Variants in TRIP11 observed in about 807,000 individuals in gnomAD.
TRIP11 encodes the protein thyroid receptor-interacting protein 11.
A neutral mutation model predicts 223.1 loss-of-function variants in TRIP11; 148 were observed. That is an observed-to-expected ratio of 0.66 (90% confidence interval 0.58 to 0.76). TRIP11 has a LOEUF of 0.76. Ranked by LOEUF, TRIP11 falls within the 30% of genes least tolerant of loss-of-function variation. TRIP11 has a pLI of 0.00. For synonymous variants in TRIP11, 762 were observed against 772.6 expected (o/e 0.99, Z 0.23); for missense variants, 2,043 against 2,222.0 (o/e 0.92, Z 1.62).
chr14:92,008,054 C>T (rs1408375342), intron 9 of TRIP11, among the ~76,000 whole-genome samples: 1 of 152,152 alleles, frequency 6.6e-6, no homozygotes, highest in Non-Finnish European at 1.5e-5. Flanking sequence ...TAGCTTCAAG[C>T]AAAACATTTC....
chr14:91,966,346 T>C lies in TRIP11; in HGVS notation c.*3327A>G, dbSNP rs1182021757. 1 of 182,288 alleles carries C rather than the reference T, an allele frequency of 5.5e-6. No individual in the cohort carries two copies. The highest frequency in any genetic ancestry group is 2.4e-5 in the African/African-American group (1 of 42,496). 11.3% of individuals were successfully genotyped at this position (182,288 alleles called of 1,614,324 possible). A position where few individuals can be genotyped will look rare whatever the true frequency, so the allele number is the denominator to read the frequency against. On this transcript the variant is annotated 3_prime_UTR_variant, in exon 21 of 21. Coordinates refer to ENST00000267622, the MANE Select transcript of TRIP11 (RefSeq NM_004239.4). ...TAAAATAAATATCATCTATACTTAC[T>C]TGATATTTACAAAACTTAAAGATAA...
At chr14:92,029,293 T>TTTTTA (rs1364502981) in intron 2 of TRIP11, among the ~76,000 whole-genome samples, 19 of 77,572 alleles carry the variant, frequency 2.4e-4, no homozygotes, top group African/African-American at 6.9e-4. Flanking sequence ...TTTTTTTTTT[T>TTTTTA]TTTTTTTTTT....
chr14:92,003,539 A>C lies in TRIP11; in HGVS notation c.4437T>G (p.Tyr1479Ter). Residue 1479 changes from tyrosine to a stop codon, truncating the protein, a stop_gained, in exon 11 of 21, where the codon TAT becomes TAG. Transcript: ENST00000267622. LOFTEE classifies it high-confidence loss of function. ...TCATGTTAGTCTCTTGTAACGCTTG[A>C]TATTCTGTTTCCTTTCCCCTGTATG... ...VETYRGKETE[Y>*]QALQETNMKF... 1 of 1,613,984 alleles carries C rather than the reference A, an allele frequency of 6.2e-7. No individual in the cohort carries two copies. The highest frequency in any genetic ancestry group is 8.5e-7 in the Non-Finnish European group (1 of 1,179,978).
rs1211000138 is a variant in TRIP11 at position 91,981,008 on chromosome 14, A to ATTTTT, written c.5261-4820_5261-4819insAAAAA. The stretch of plus-strand genomic sequence containing the variant: ...ATGTATATTATATATATATATATAT[A>ATTTTT]TATATTTTTTTTTTTTTTTTTTTTT... On this transcript the variant is annotated intron_variant, in intron 16 of 20. Coordinates refer to ENST00000267622, the MANE Select transcript of TRIP11 (RefSeq NM_004239.4). Among the ~76,000 whole-genome samples, 280 of 78,220 alleles carry ATTTTT rather than the reference A, an allele frequency of 3.6e-3. 7 individuals are homozygous for ATTTTT. The highest frequency in any genetic ancestry group is 8.4e-3 in the African/African-American group (130 of 15,518). The allele number at this position is 78,220 out of a possible 152,430, so 51.3% of individuals were successfully genotyped here.
At chr14:92,016,321 A>G (rs1311500051) in intron 5 of TRIP11, among the ~76,000 whole-genome samples, 4 of 152,108 alleles carry the variant, frequency 2.6e-5, no homozygotes, top group Non-Finnish European at 4.4e-5. Flanking sequence ...AGTTGAGCCC[A>G]CTGTGTCTCT....
At chr14:92,021,339 A>G (rs2057111509) in intron 4 of TRIP11, among the ~76,000 whole-genome samples, 1 of 151,582 alleles carries the variant, frequency 6.6e-6, no homozygotes, top group Admixed American at 6.6e-5. Context: ...CAGTGAGCCA[A>G]GATCACGCTA....
intron 13 of TRIP11, among the ~76,000 whole-genome samples, chr14:91,998,321 T>C (rs931876128): frequency 4.1e-4 from 62 of 152,202 alleles, no homozygotes; most frequent in African/African-American, 1.4e-3. Flanking sequence ...CCTAAGGATA[T>C]AATCTGTCAT....
At chr14:91,989,666 C>T (rs1402908364) in intron 15 of TRIP11, among the ~76,000 whole-genome samples, 1 of 151,796 alleles carries the variant, frequency 6.6e-6, no homozygotes, top group Non-Finnish European at 1.5e-5. Context: ...CTGGATAGGT[C>T]ACAGTCCCCA....
chr14:92,016,712 CA>C (rs2057039630), intron 5 of TRIP11, among the ~76,000 whole-genome samples: 1 of 152,120 alleles, frequency 6.6e-6, no homozygotes, highest in Non-Finnish European at 1.5e-5. Context: ...ATTTAAACCT[CA>C]AAACAATCCT....
At chr14:92,022,751 G>C (rs1164592740) in intron 3 of TRIP11, among the ~76,000 whole-genome samples, 2 of 152,188 alleles carry the variant, frequency 1.3e-5, no homozygotes, top group East Asian at 3.8e-4. Context: ...ACAAGTAACA[G>C]TATTTCTATA....
intron 16 of TRIP11, among the ~76,000 whole-genome samples, chr14:91,977,858 T>C (rs1595367369): frequency 6.6e-6 from 1 of 152,340 alleles, no homozygotes; most frequent in East Asian, 1.9e-4. Flanking sequence ...GGCTTGTGGT[T>C]TTCCTAAATT....
intron 1 of TRIP11, among the ~76,000 whole-genome samples, chr14:92,038,915 G>A (rs1239765170): frequency 6.6e-6 from 1 of 152,154 alleles, no homozygotes; most frequent in African/African-American, 2.4e-5. Flanking sequence ...AGTGAAGATT[G>A]CTAAGGGTAC....
chr14:92,011,906 C>T (rs1171381992), intron 7 of TRIP11, 111 bp from the exon 8 acceptor site: 2 of 878,876 alleles, frequency 2.3e-6, no homozygotes, highest in East Asian at 5.3e-5. Context: ...GCACCACTGG[C>T]AAGCAGTAAC....
Position 92,007,820 on chromosome 14 carries a change from G to A in TRIP11, c.1347C>T (p.Asn449=). The change falls in exon 10 of 21, where the codon AAC becomes AAT. Residue 449 remains asparagine, a synonymous_variant. Coordinates refer to ENST00000267622, the MANE Select transcript of TRIP11 (RefSeq NM_004239.4). The part of the protein sequence containing the change: ...EELQMSLLKL[N]NEYEVIKSTA... ...TACTTTTAATTACTTCATATTCATT[G>A]TTCAATTTTAAAAGTGACATCTGAA... 1.2e-6 allele frequency: 2 copies of A among 1,612,040 alleles called. No homozygotes were observed. Among genetic ancestry groups the A allele is most frequent in the African/African-American group, 1.3e-5 (1 of 74,972 alleles).
At chr14:92,008,545 G>A (rs17127845) in intron 9 of TRIP11, among the ~76,000 whole-genome samples, 2,381 of 152,196 alleles carry the variant, frequency 0.016, 68 homozygotes, top group African/African-American at 0.054. Context: ...TCTACTACCT[G>A]GTATTTAATG....
rs2056893971 is a variant in TRIP11 at position 92,005,835 on chromosome 14, A to AC, written c.2140_2141insG (p.Leu714ArgfsTer16). On this transcript the variant is annotated frameshift_variant, in exon 11 of 21. Coordinates refer to ENST00000267622, the MANE Select transcript of TRIP11 (RefSeq NM_004239.4). LOFTEE classifies it high-confidence loss of function. ...CTCTATCTCTCCTTTTTCCATTTTT[A>AC]GAGTCTCCACAATAGTGTTTTTTTC... 6.2e-7 allele frequency: 1 copy of AC among 1,613,878 alleles called. No individual in the cohort carries two copies. Among genetic ancestry groups the AC allele is most frequent in the African/African-American group, 1.3e-5 (1 of 74,904 alleles).
intron 14 of TRIP11, 110 bp downstream of exon 14, chr14:91,995,242 G>C (rs1338889359): frequency 3.8e-6 from 5 of 1,329,994 alleles, no homozygotes; most frequent in Non-Finnish European, 5.3e-6. Flanking sequence ...TCTACCAGTG[G>C]GTAACCTTTC....
chr14:92,010,999 A>G lies in TRIP11; in HGVS notation c.1301T>C (p.Leu434Pro), dbSNP rs377349515. ...TACAGCACCCACCTTTTCTTGACTC[A>G]GTAATGACTTCTCTTTTTCTAAAAC... ...IEVLEKEKSL[L>P]SQEKEELQMS... The change falls in exon 9 of 21, where the codon CTG becomes CCG. Residue 434 changes from leucine (L) to proline (P), a missense_variant. Physicochemically the swap from Leu to Pro is moderately conservative, Grantham distance 98 (BLOSUM62 -3). Coordinates refer to ENST00000267622, the MANE Select transcript of TRIP11 (RefSeq NM_004239.4). The G allele has an allele frequency of 8.1e-6, 13 of 1,614,002 alleles. No individual in the cohort carries two copies. The African/African-American group carries it at 1.1e-4, about 13-fold the overall frequency.
intron 20 of TRIP11, among the ~76,000 whole-genome samples, chr14:91,970,464 CAATTCCTAAACACAAATACTA>C (rs1450603763): frequency 6.6e-6 from 1 of 151,894 alleles, no homozygotes; most frequent in Non-Finnish European, 1.5e-5. Flanking sequence ...AAACAGGCCT[CAATTCCTAAACACAAATACTA>C]ATTTGTATGG....
Sources: gnomAD v4.1 joint callset for allele counts (sites outside exome capture counted in the v4.1 genomes callset) on GRCh38, gnomAD v4.1.1 for gene constraint, MANE v1.5 for transcripts, NCBI Gene and HGNC (gene_info 2026-07-23, HGNC 2026-07-21) for gene names.